SURF4: variants seen among roughly 807,000 people sequenced by gnomAD.
The protein encoded by SURF4 is surfeit 4.
A neutral mutation model predicts 30.0 loss-of-function variants in SURF4; 3 were observed. The observed-to-expected ratio is 0.10, with a 90% CI of 0.05 to 0.26. The LOEUF is 0.26. Among genes scored for constraint, SURF4 ranks in the 10% least tolerant of loss-of-function variants. The pLI, the probability that SURF4 is intolerant of heterozygous loss-of-function variation, is 1.00. For missense variants in SURF4, 217 were observed against 350.8 expected, an observed-to-expected ratio of 0.62 and a Z score of 3.05; for synonymous variants, 143 against 139.9, an observed-to-expected ratio of 1.02 and a Z score of -0.16.
chr9:133,367,489 G>A, intron 1 of SURF4, 44 bp from the exon 2 acceptor site: 1 of 1,607,348 alleles, frequency 6.2e-7, no homozygotes, highest in Non-Finnish European at 8.5e-7. Context: ...CTGCGGCGGG[G>A]AGCACCAGGC....
Position 133,375,995 on chromosome 9 carries a change from C to T in SURF4, c.-26G>A. ...GGCGACGGCGGGAGGCTCGGCTCGG[C>T]TCGCTCGCTCGCTCGCTGGCTCTCG... is the stretch of plus-strand genomic sequence containing the variant. On this transcript the variant is annotated 5_prime_UTR_variant, in exon 1 of 6. Coordinates refer to ENST00000371989, the MANE Select transcript of SURF4 (RefSeq NM_033161.4). The T allele has an allele frequency of 2.5e-6, 3 of 1,208,736 alleles. No individual in the cohort carries two copies. Among genetic ancestry groups the T allele is most frequent in the Non-Finnish European group, 2.0e-6 (2 of 978,408 alleles). 74.9% of individuals were successfully genotyped at this position (1,208,736 alleles called of 1,614,324 possible).
upstream of SURF4, chr9:133,376,207 C>G: frequency 7.8e-7 from 1 of 1,278,514 alleles, no homozygotes; most frequent in Non-Finnish European, 9.8e-7. Flanking sequence ...GACCCATCCG[C>G]TCGAAGCCAC....
chr9:133,365,460 G>A (rs1837113748), intron 4 of SURF4, among the ~76,000 whole-genome samples: 1 of 152,158 alleles, frequency 6.6e-6, no homozygotes, highest in African/African-American at 2.4e-5. Flanking sequence ...CTGTTTCTAA[G>A]AGGCACAATT....
chr9:133,375,911 G>A lies in SURF4; in HGVS notation c.48+11C>T, dbSNP rs1837890550. 3 of 1,224,864 alleles carry A rather than the reference G, an allele frequency of 2.4e-6. No homozygotes were observed. Among genetic ancestry groups the A allele is most frequent in the Non-Finnish European group, 3.1e-6 (3 of 980,524 alleles). The allele number at this position is 1,224,864 out of a possible 1,614,324, so 75.9% of individuals were successfully genotyped here. A position where few individuals can be genotyped will look rare whatever the true frequency, so the allele number is the denominator to read the frequency against. On this transcript the variant is annotated intron_variant, in intron 1 of 5. Coordinates refer to ENST00000371989, the MANE Select transcript of SURF4 (RefSeq NM_033161.4). ...GGGACCGGGGCCGGGGGAGGAGCCC[G>A]CAGGCCGCACCTGGTCGGCGAAGTC...
Position 133,362,174 on chromosome 9 carries a change from GGC to G in SURF4, c.*1317_*1318del, listed in dbSNP as rs1331510598. 2 of 152,228 alleles carry G rather than the reference GGC, an allele frequency of 1.3e-5. No individual in the cohort carries two copies. Among genetic ancestry groups the G allele is most frequent in the Non-Finnish European group, 2.9e-5 (2 of 68,070 alleles). The allele number at this position is 152,228 out of a possible 1,614,324, so 9.4% of individuals were successfully genotyped here. On this transcript the variant is annotated 3_prime_UTR_variant, in exon 6 of 6. Transcript: ENST00000371989. ...GAGGCCAAGAGGGAGGCAGGCTCGG[GGC>G]TGGGCCGCAGCAGCCCTGGAGACAG... is the stretch of plus-strand genomic sequence containing the variant.
intron 1 of SURF4, among the ~76,000 whole-genome samples, chr9:133,373,135 G>A (rs1837604912): frequency 6.6e-6 from 1 of 152,206 alleles, no homozygotes. Flanking sequence ...ACCAGGGGCT[G>A]GGGGCGCTGG....
chr9:133,376,601 GT>G, upstream of SURF4: 1 of 1,524,286 alleles, frequency 6.6e-7, no homozygotes, highest in Non-Finnish European at 8.8e-7. Context: ...GCTCCGTGGG[GT>G]AACGGTCGCA....
chr9:133,374,746 C>T (rs1837761895), intron 1 of SURF4, among the ~76,000 whole-genome samples: 2 of 152,038 alleles, frequency 1.3e-5, no homozygotes, highest in South Asian at 4.1e-4. Context: ...AAAGAGATCA[C>T]CCCCCAGGAG....
chr9:133,366,105 G>C, intron 3 of SURF4, 77 bp from the exon 4 acceptor site: 1 of 1,425,170 alleles, frequency 7.0e-7, no homozygotes, highest in Non-Finnish European at 9.9e-7. Flanking sequence ...AATACATTAG[G>C]CCGTCTCTCC....
upstream of SURF4, chr9:133,376,617 T>C: frequency 6.9e-7 from 1 of 1,442,720 alleles, no homozygotes; most frequent in East Asian, 2.7e-5. Flanking sequence ...GTCGCAACCC[T>C]GGAGCTACGG....
chr9:133,363,952 T>C lies in SURF4; in HGVS notation c.544-193A>G. The C allele has an allele frequency of 1.3e-6, 1 of 750,280 alleles. No individual in the cohort carries two copies. The highest frequency in any genetic ancestry group is 2.4e-6 in the Non-Finnish European group (1 of 416,510). The allele number at this position is 750,280 out of a possible 1,614,324, so 46.5% of individuals were successfully genotyped here. On this transcript the variant is annotated intron_variant, in intron 5 of 5. Transcript: ENST00000371989. The surrounding 1 kb of genome is among the most constrained non-coding windows in gnomAD (Gnocchi z 4.3). ...GCAGGAGGCAATAAAGCACCAGCTTTGAAATGTGGAAGGTTTGGGGAAGAC... is the reference window on the plus strand; with the variant it reads ...GCAGGAGGCAATAAAGCACCAGCTTCGAAATGTGGAAGGTTTGGGGAAGAC...
chr9:133,376,282 G>C (rs1020347721), upstream of SURF4: 523 of 1,316,438 alleles, frequency 4.0e-4, 3 homozygotes, highest in Non-Finnish European at 7.0e-5. Flanking sequence ...CAGGCCCTGC[G>C]GTCCCTCCCG....
In SURF4 at chr9:133,372,231, G is replaced by A. The variant is rs1030035943; in HGVS notation, c.48+3691C>T. ...CCCTGGCTGCCAGAGCAAGCAGCTTGATGCCAGAGGCAGAGAGACAAGAGA... is the reference window on the plus strand; with the variant it reads ...CCCTGGCTGCCAGAGCAAGCAGCTTAATGCCAGAGGCAGAGAGACAAGAGA... On this transcript the variant is annotated intron_variant, in intron 1 of 5. Transcript: ENST00000371989. Among the ~76,000 whole-genome samples the A allele has an allele frequency of 2.0e-5, 3 of 152,236 alleles. No individual in the cohort carries two copies. In the East Asian group the frequency reaches 5.8e-4, roughly 29 times the overall value.
intron 1 of SURF4, chr9:133,375,098 G>A: frequency 3.6e-6 from 2 of 554,676 alleles, no homozygotes; most frequent in African/African-American, 2.0e-5. Context: ...TTTTTGTTCT[G>A]TCAAGCTTAA....
intron 1 of SURF4, 41 bp downstream of exon 1, chr9:133,375,881 G>C (rs1363192428): frequency 1.1e-5 from 13 of 1,218,670 alleles, no homozygotes; most frequent in Non-Finnish European, 1.3e-5. Flanking sequence ...CGGGCGGCCT[G>C]GGTCGGGACC....
At chr9:133,366,535 CTT>C in intron 3 of SURF4, 62 bp downstream of exon 3, 6 of 1,572,548 alleles carry the variant, frequency 3.8e-6, no homozygotes, top group Non-Finnish European at 5.2e-6. Context: ...TCAAGGATGT[CTT>C]TTCAGAAGCT....
chr9:133,363,210 C>T lies in SURF4; in HGVS notation c.*283G>A. Reference sequence around the variant, plus strand: ...AAACTCAAAAATAGGACTGAGATGCCACAGCCAAGCGGGCTGTTCACTCCA... The same window carrying T: ...AAACTCAAAAATAGGACTGAGATGCTACAGCCAAGCGGGCTGTTCACTCCA... On this transcript the variant is annotated 3_prime_UTR_variant, in exon 6 of 6. Transcript: ENST00000371989. The surrounding 1 kb of genome is among the most constrained non-coding windows in gnomAD (Gnocchi z 4.3). The T allele has an allele frequency of 1.6e-6, 1 of 618,132 alleles. No individual in the cohort carries two copies. Among genetic ancestry groups the T allele is most frequent in the East Asian group, 2.8e-5 (1 of 36,204 alleles). 38.3% of individuals were successfully genotyped at this position (618,132 alleles called of 1,614,324 possible).
intron 4 of SURF4, among the ~76,000 whole-genome samples, chr9:133,365,667 T>C (rs1487503395): frequency 1.3e-5 from 2 of 152,262 alleles, no homozygotes; most frequent in Admixed American, 6.5e-5. Flanking sequence ...GACCACAGGC[T>C]GGACAAGCTT....
chr9:133,376,850 G>T (rs1837976909), upstream of SURF4, among the ~76,000 whole-genome samples: 1 of 152,132 alleles, frequency 6.6e-6, no homozygotes, highest in South Asian at 2.1e-4. Context: ...TGTGCGCTTG[G>T]GTCCACCGAG....
Sources: gnomAD v4.1 joint callset for allele counts (sites outside exome capture counted in the v4.1 genomes callset) on GRCh38, gnomAD v4.1.1 for gene constraint, Gnocchi (gnomAD v3.1) non-coding constraint, MANE v1.5 for transcripts, NCBI Gene and HGNC (gene_info 2026-07-23, HGNC 2026-07-21) for gene names.